The following TSPAN7 variants were observed in gnomAD, a reference collection of about 807,000 sequenced individuals.
TSPAN7 encodes tetraspanin 7, also known as tetraspanin-7.
In TSPAN7, 1 loss-of-function variant was observed where a neutral mutation model predicts 17.6. The ratio of observed to expected loss-of-function variants is 0.06; its 90% CI spans 0.02 to 0.27. The LOEUF (loss-of-function observed/expected upper bound fraction) is 0.27, where lower values mean the gene tolerates loss of function less well. Among genes scored for constraint, TSPAN7 ranks in the 10% least tolerant of loss-of-function variants. The probability of loss-of-function intolerance (pLI) is 1.00; values close to 1 mark genes in which losing one functional copy is unlikely to be tolerated. For synonymous variants in TSPAN7, 78 were observed against 79.0 expected, an observed-to-expected ratio of 0.99 and a Z score of 0.07; for missense variants, 112 against 201.7, an observed-to-expected ratio of 0.56 and a Z score of 2.69.
At chrX:38,626,874 T>C (rs1472141741) in intron 1 of TSPAN7, among the ~76,000 whole-genome samples, 1 of 111,313 alleles carries the variant, frequency 9.0e-6, no homozygotes, top group Non-Finnish European at 1.9e-5. Flanking sequence ...TGAACTTACA[T>C]GTCTGGGAGT....
chrX:38,669,120 A>T (rs2069803896), intron 2 of TSPAN7, among the ~76,000 whole-genome samples: 1 of 111,704 alleles, frequency 9.0e-6, no homozygotes, highest in African/African-American at 3.3e-5. Flanking sequence ...ACCACAAAGA[A>T]ATATTTTAGG....
rs1431226491 is a variant in TSPAN7 at position 38,572,915 on chromosome X, G to A, written c.81+11288G>A. The stretch of plus-strand genomic sequence containing the variant: ...TTAACCATTGCATTCTATTGCAGAG[G>A]ATTTAAAATTAGACTTAATGTGAAG... On this transcript the variant is annotated intron_variant, in intron 1 of 7. Transcript: ENST00000378482. 5.4e-5 allele frequency among the ~76,000 whole-genome samples: 6 copies of A among 111,477 alleles called. No homozygotes were observed. In the East Asian group the frequency reaches 1.4e-3, roughly 26 times the overall value.
chrX:38,681,976 A>G (rs1416770656), intron 6 of TSPAN7, among the ~76,000 whole-genome samples: 1 of 111,679 alleles, frequency 9.0e-6, no homozygotes, highest in African/African-American at 3.3e-5. Flanking sequence ...CAGGCAGGGC[A>G]TGGTTCCACA....
intron 1 of TSPAN7, among the ~76,000 whole-genome samples, chrX:38,567,411 A>G (rs1381611926): frequency 1.8e-5 from 2 of 110,273 alleles, no homozygotes; most frequent in Non-Finnish European, 3.8e-5. Flanking sequence ...ATCTTGTGAG[A>G]CTTATTCACT....
intron 1 of TSPAN7, among the ~76,000 whole-genome samples, chrX:38,621,933 T>C (rs1453820282): frequency 8.9e-6 from 1 of 112,429 alleles, no homozygotes; most frequent in East Asian, 2.8e-4. Context: ...AGAATTTTAA[T>C]CCAGGGTATG....
chrX:38,566,727 A>G (rs1381603257), intron 1 of TSPAN7, among the ~76,000 whole-genome samples: 1 of 112,129 alleles, frequency 8.9e-6, no homozygotes, highest in East Asian at 2.8e-4. Context: ...GCATGAATAA[A>G]AAAGATCTTG....
At chrX:38,686,651 G>A (rs181612935) in intron 6 of TSPAN7, among the ~76,000 whole-genome samples, 239 of 112,115 alleles carry the variant, frequency 2.1e-3, no homozygotes, top group African/African-American at 6.6e-3. Context: ...GACTACATTG[G>A]CCAAGAGAAA....
At chrX:38,580,259 T>G (rs2069220836) in intron 1 of TSPAN7, among the ~76,000 whole-genome samples, 1 of 112,329 alleles carries the variant, frequency 8.9e-6, no homozygotes, top group Non-Finnish European at 1.9e-5. Flanking sequence ...GCAGAAGAAG[T>G]TTGCCAACCC....
intron 1 of TSPAN7, among the ~76,000 whole-genome samples, chrX:38,606,265 A>C (rs1194553871): frequency 8.9e-6 from 1 of 111,952 alleles, no homozygotes; most frequent in African/African-American, 3.2e-5. Flanking sequence ...ATGAACAGAC[A>C]CTTCTTAAAT....
chrX:38,596,872 G>T (rs2069321216), intron 1 of TSPAN7, among the ~76,000 whole-genome samples: 1 of 110,894 alleles, frequency 9.0e-6, no homozygotes. Flanking sequence ...CAAAGCTTTG[G>T]TCTTCTTATA....
At chrX:38,676,428 T>A (rs949854061) in intron 5 of TSPAN7, among the ~76,000 whole-genome samples, 3 of 111,782 alleles carry the variant, frequency 2.7e-5, no homozygotes, top group Non-Finnish European at 5.6e-5. Flanking sequence ...TAAAAGTTAG[T>A]ACATAGTGAA....
chrX:38,653,993 A>G (rs1230006017), intron 1 of TSPAN7, among the ~76,000 whole-genome samples: 1 of 111,987 alleles, frequency 8.9e-6, no homozygotes, highest in Non-Finnish European at 1.9e-5. Context: ...CTCAGGGTTG[A>G]TTCAAGGAAA....
Position 38,609,836 on chromosome X carries a change from C to T in TSPAN7, c.81+48209C>T, listed in dbSNP as rs1021839613. On this transcript the variant is annotated intron_variant, in intron 1 of 7. Coordinates refer to ENST00000378482, the MANE Select transcript of TSPAN7 (RefSeq NM_004615.4). Reference sequence around the variant, plus strand: ...CAAATATAGTGCTCAGATTTCACACCAGGTTATTAACAATGACATGGATGT... The same window carrying T: ...CAAATATAGTGCTCAGATTTCACACTAGGTTATTAACAATGACATGGATGT... Among the ~76,000 whole-genome samples, 3 of 110,184 alleles carry T rather than the reference C, an allele frequency of 2.7e-5. No homozygotes were observed. The Admixed American group carries it at 2.9e-4, about 11-fold the overall frequency.
At chrX:38,631,236 T>C (rs1292552431) in intron 1 of TSPAN7, among the ~76,000 whole-genome samples, 4 of 110,680 alleles carry the variant, frequency 3.6e-5, no homozygotes, top group Admixed American at 2.9e-4. Context: ...CTGGTGAGGA[T>C]TGGGGTGGAT....
At chrX:38,573,329 G>T (rs1425508464) in intron 1 of TSPAN7, among the ~76,000 whole-genome samples, 1 of 111,418 alleles carries the variant, frequency 9.0e-6, no homozygotes, top group Non-Finnish European at 1.9e-5. Flanking sequence ...CACTGAGTTT[G>T]GTCCTGTCAT....
At position 38,651,050 on chromosome X, in the gene TSPAN7, C is replaced by CATAT. The variant is rs34201318; in HGVS notation, c.82-15051_82-15048dup. ...TATTTCATTATCAGAAATGTGATTACATATATATATATATATATATATAGT... is the reference window on the plus strand; with the variant it reads ...TATTTCATTATCAGAAATGTGATTACATATATATATATATATATATATATATAGT... On this transcript the variant is annotated intron_variant, in intron 1 of 7. Coordinates refer to ENST00000378482, the MANE Select transcript of TSPAN7 (RefSeq NM_004615.4). Among the ~76,000 whole-genome samples, 904 of 98,090 alleles carry CATAT rather than the reference C, an allele frequency of 9.2e-3. 8 individuals are homozygous for CATAT. The highest frequency in any genetic ancestry group is 0.041 in the South Asian group (86 of 2,114). The allele number at this position is 98,090 out of a possible 115,157, so 85.2% of individuals were successfully genotyped here. A position where few individuals can be genotyped will look rare whatever the true frequency, so the allele number is the denominator to read the frequency against.
intron 1 of TSPAN7, chrX:38,655,866 A>G (rs897913623): frequency 8.5e-6 from 2 of 236,522 alleles, no homozygotes; most frequent in African/African-American, 2.9e-5. Flanking sequence ...AAATTATGCA[A>G]AGAAGATTCT....
intron 1 of TSPAN7, chrX:38,563,002 G>A: frequency 1.0e-6 from 1 of 970,982 alleles, no homozygotes; most frequent in Non-Finnish European, 1.3e-6. Context: ...ATGAGGTACC[G>A]AGAATCAGCT....
chrX:38,663,200 C>T (rs1041063220), intron 1 of TSPAN7, among the ~76,000 whole-genome samples: 5 of 110,101 alleles, frequency 4.5e-5, no homozygotes, highest in Admixed American at 9.7e-5. Flanking sequence ...CACACACACA[C>T]CATGGAATGC....
Sources: allele counts gnomAD v4.1 joint callset (sites outside exome capture counted in the v4.1 genomes callset), GRCh38; gene constraint gnomAD v4.1.1; transcripts MANE v1.5; gene names NCBI Gene and HGNC (gene_info 2026-07-23, HGNC 2026-07-21).